TOX2: variants seen among roughly 807,000 people sequenced by gnomAD.
The protein encoded by TOX2 is granulosa cell HMG box 1.
Under a neutral mutation model 47.4 loss-of-function variants are expected in TOX2, and 15 were observed. That is an observed-to-expected ratio of 0.32 (90% CI 0.21 to 0.49). The LOEUF is 0.49. Ranked by LOEUF, TOX2 falls within the 20% of genes least tolerant of loss-of-function variation. The pLI, the probability that TOX2 is intolerant of heterozygous loss-of-function variation, is 0.99. For missense variants in TOX2, 622 were observed against 673.1 expected (o/e 0.92, Z 0.84); for synonymous variants, 290 against 296.6 (o/e 0.98, Z 0.23).
chr20:43,950,192 A>G (rs904637459), intron 1 of TOX2, among the ~76,000 whole-genome samples: 2 of 152,212 alleles, frequency 1.3e-5, no homozygotes, highest in African/African-American at 4.8e-5. Context: ...AGACGAGCCC[A>G]CCACAGAACC....
chr20:44,043,827 A>G (rs149818067), intron 3 of TOX2, among the ~76,000 whole-genome samples: 183 of 152,384 alleles, frequency 1.2e-3, no homozygotes, highest in African/African-American at 4.4e-3. Context: ...AGATATGACA[A>G]CAGGTTCAAA....
rs2069049964 is a variant in TOX2, at chr20:43,915,890, T to TGCGCC, written c.99+902_99+906dup. ...CACCCCAGCCAGGTCCCAGCTGCGC[T>TGCGCC]GCGCCGGGCGCATTCCCAGTGATGG... On this transcript the variant is annotated intron_variant, in intron 1 of 8. Coordinates refer to ENST00000341197, the MANE Select transcript of TOX2 (RefSeq NM_001098797.2). The surrounding 1 kb of genome is among the most constrained non-coding windows in gnomAD (Gnocchi z 7.1). Among the ~76,000 whole-genome samples the TGCGCC allele has an allele frequency of 6.6e-6, 1 of 152,230 alleles. No individual in the cohort carries two copies. Among genetic ancestry groups the TGCGCC allele is most frequent in the African/African-American group, 2.4e-5 (1 of 41,468 alleles).
At chr20:43,933,235 G>C (rs6103518) in intron 1 of TOX2, among the ~76,000 whole-genome samples, 10,354 of 152,212 alleles carry the variant, frequency 0.068, 710 homozygotes, top group African/African-American at 0.17. Context: ...GTGAACTTTG[G>C]GGGGACCACA....
chr20:43,932,781 C>T (rs1569008719), intron 1 of TOX2, among the ~76,000 whole-genome samples: 1 of 140,342 alleles, frequency 7.1e-6, no homozygotes, highest in South Asian at 2.2e-4. Context: ...GCTGCCCCCC[C>T]CCGCCATTTC....
intron 3 of TOX2, among the ~76,000 whole-genome samples, chr20:44,026,227 T>TGA (rs1276985767): frequency 1.2e-4 from 4 of 34,084 alleles, no homozygotes; most frequent in Non-Finnish European, 1.7e-4. Flanking sequence ...AAAGAAACTG[T>TGA]GATATATATA....
chr20:43,963,592 C>G (rs930055027), intron 1 of TOX2, among the ~76,000 whole-genome samples: 1 of 152,212 alleles, frequency 6.6e-6, no homozygotes, highest in African/African-American at 2.4e-5. Context: ...ATCCCCTAAA[C>G]TTTCCGGGCC....
intron 3 of TOX2, among the ~76,000 whole-genome samples, chr20:44,026,252 C>CATATATATATATAT: frequency 1.2e-5 from 1 of 81,908 alleles, no homozygotes; most frequent in East Asian, 3.9e-4. Context: ...TATATATAGA[C>CATATATATATATAT]ACACACACAC....
intron 3 of TOX2, among the ~76,000 whole-genome samples, chr20:44,011,381 G>A (rs1285002419): frequency 6.6e-6 from 1 of 152,194 alleles, no homozygotes; most frequent in Non-Finnish European, 1.5e-5. Context: ...TGGAGAGAAG[G>A]TGAAAAGCCT....
At chr20:43,963,099 G>A (rs1410400717) in intron 1 of TOX2, among the ~76,000 whole-genome samples, 1 of 151,974 alleles carries the variant, frequency 6.6e-6, no homozygotes, top group East Asian at 1.9e-4. Flanking sequence ...CAGAAGCCAC[G>A]TGTGGTAAGC....
intron 1 of TOX2, among the ~76,000 whole-genome samples, chr20:43,921,039 ATC>A (rs550783308): frequency 6.6e-6 from 1 of 152,224 alleles, no homozygotes; most frequent in Non-Finnish European, 1.5e-5. Flanking sequence ...GGAACTTAGC[ATC>A]TGTTTGGCTG....
intron 3 of TOX2, among the ~76,000 whole-genome samples, chr20:44,019,441 G>T (rs2070943359): frequency 6.6e-6 from 1 of 152,240 alleles, no homozygotes; most frequent in African/African-American, 2.4e-5. Flanking sequence ...CTTGGCCCAG[G>T]CCTCTGAGCT....
chr20:44,061,349 A>G (rs574863598), intron 5 of TOX2, among the ~76,000 whole-genome samples: 17 of 152,276 alleles, frequency 1.1e-4, no homozygotes, highest in African/African-American at 3.6e-4. Flanking sequence ...AAATTATTCT[A>G]TGAAGCCAGT....
chr20:44,023,858 G>T (rs1302472381), intron 3 of TOX2, among the ~76,000 whole-genome samples: 1 of 152,236 alleles, frequency 6.6e-6, no homozygotes. Context: ...CCTCACTTCT[G>T]CAGGGAAACT....
At chr20:44,011,709 C>T (rs901300534) in intron 3 of TOX2, among the ~76,000 whole-genome samples, 1 of 152,228 alleles carries the variant, frequency 6.6e-6, no homozygotes, top group Non-Finnish European at 1.5e-5. Flanking sequence ...GTTGTCTGCA[C>T]AGATCGAGAT....
In TOX2 at chr20:43,986,975, G is replaced by C. The variant is rs545493888; in HGVS notation, c.165+13543G>C. ...GCTACTCGAGAGGCTAAGGTGGGACGATCACTTGAGCCCTGGAGGTTGAGG... is the reference window on the plus strand; with the variant it reads ...GCTACTCGAGAGGCTAAGGTGGGACCATCACTTGAGCCCTGGAGGTTGAGG... On this transcript the variant is annotated intron_variant, in intron 2 of 8. Coordinates refer to ENST00000341197, the MANE Select transcript of TOX2 (RefSeq NM_001098797.2). Among the ~76,000 whole-genome samples, 10 of 152,194 alleles carry C rather than the reference G, an allele frequency of 6.6e-5. No individual in the cohort carries two copies. In the East Asian group the frequency reaches 1.9e-3, roughly 29 times the overall value.
At chr20:44,005,321 C>T (rs1371575905) in intron 2 of TOX2, among the ~76,000 whole-genome samples, 2 of 152,154 alleles carry the variant, frequency 1.3e-5, no homozygotes, top group Non-Finnish European at 2.9e-5. Flanking sequence ...CCTTTTTGAC[C>T]GTCTATGCCA....
chr20:44,066,854 G>A lies in TOX2; in HGVS notation c.1481G>A (p.Cys494Tyr), dbSNP rs1245289232. ...YPSGECGIST[C>Y]SLLPRDKSLY... ...AGTGGGGAGTGTGGCATCAGCACCT[G>A]CAGGTTAGTCCTCGCCCGTCCCTGC... The change falls in exon 8 of 9, where the codon TGC (cysteine) becomes TAC (tyrosine). Residue 494 changes from cysteine (C) to tyrosine (Y), a missense_variant. Transcript: ENST00000341197. 1 of 1,613,452 alleles carries A rather than the reference G, an allele frequency of 6.2e-7. No homozygotes were observed.
chr20:43,916,239 C>T lies in TOX2; in HGVS notation c.99+1249C>T, dbSNP rs1181868050. 1.3e-5 allele frequency: 13 copies of T among 984,492 alleles called. No individual in the cohort carries two copies. Among genetic ancestry groups the T allele is most frequent in the South Asian group, 4.7e-5 (1 of 21,272 alleles). 61.0% of individuals were successfully genotyped at this position (984,492 alleles called of 1,614,324 possible). On this transcript the variant is annotated intron_variant, in intron 1 of 8. Coordinates refer to ENST00000341197, the MANE Select transcript of TOX2 (RefSeq NM_001098797.2). The surrounding 1 kb of genome is among the most constrained non-coding windows in gnomAD (Gnocchi z 5.0). ...TGCGCGTCCAGTGGCTGGATCGGCGCCCCCCAGGGTCTCTCCCCAACCTCG... is the reference window on the plus strand; with the variant it reads ...TGCGCGTCCAGTGGCTGGATCGGCGTCCCCCAGGGTCTCTCCCCAACCTCG...
chr20:43,963,938 C>T (rs1262299264), intron 1 of TOX2, among the ~76,000 whole-genome samples: 2 of 152,054 alleles, frequency 1.3e-5, no homozygotes, highest in Non-Finnish European at 2.9e-5. Context: ...TGGCAGGATT[C>T]TTAGGAGGAT....
Sources: allele counts gnomAD v4.1 joint callset (sites outside exome capture counted in the v4.1 genomes callset), GRCh38; gene constraint gnomAD v4.1.1; non-coding constraint Gnocchi (gnomAD v3.1); transcripts MANE v1.5; gene names NCBI Gene and HGNC (gene_info 2026-07-23, HGNC 2026-07-21).